PCSK7: variants seen among roughly 807,000 people sequenced by gnomAD.
PCSK7 encodes proprotein convertase subtilisin/kexin type 7.
Under a neutral mutation model 73.3 loss-of-function variants are expected in PCSK7, and 38 were observed. The observed-to-expected ratio is 0.52, with a 90% CI of 0.40 to 0.68. PCSK7 has a LOEUF of 0.68. Ranked by LOEUF, PCSK7 falls within the 30% of genes least tolerant of loss-of-function variation. PCSK7 has a pLI of 0.00. For synonymous variants in PCSK7, 296 were observed against 383.8 expected (o/e 0.77, Z 2.68); for missense variants, 692 against 991.5 (o/e 0.70, Z 4.06).
In PCSK7 at chr11:117,224,130, G is replaced by T; in HGVS notation, c.1002C>A (p.Asn334Lys). 1 of 1,614,080 alleles carries T rather than the reference G, an allele frequency of 6.2e-7. No homozygotes were observed. Among genetic ancestry groups the T allele is most frequent in the Non-Finnish European group, 8.5e-7 (1 of 1,179,976 alleles). The change falls in exon 8 of 17, where the codon AAC (asparagine) becomes AAA (lysine). Residue 334 changes from asparagine to lysine, a missense_variant. Asn to Lys is a moderately conservative substitution (Grantham distance 94). This residue lies in a region of PCSK7 where 574 missense variants were observed against 689.8 expected (regional missense o/e 0.83). Transcript: ENST00000320934. Reference sequence around the variant, plus strand: ...CGTAGCCATCGTAGTTGCAGTTGTCGTTGTGTTGGCCTCCGTTGCCACTGG... The same window carrying T: ...CGTAGCCATCGTAGTTGCAGTTGTCTTTGTGTTGGCCTCCGTTGCCACTGG... ...VVASGNGGQHNDNCNYDGYAN... is the reference protein window; with the variant it reads ...VVASGNGGQHKDNCNYDGYAN...
rs1026250132 is a variant in PCSK7 at position 117,219,410 on chromosome 11, G to A, written c.1323+181C>T. The A allele has an allele frequency of 2.6e-5, 17 of 661,210 alleles. No individual in the cohort carries two copies. The Admixed American group carries it at 3.9e-4, about 15-fold the overall frequency. 41.0% of individuals were successfully genotyped at this position (661,210 alleles called of 1,614,324 possible). ...CAGAGCTCCCCTTTGCAGATAAAAT[G>A]AGTTTAGGCCTGTGGTCTTTGTGGG... On this transcript the variant is annotated intron_variant, in intron 10 of 16. Coordinates refer to ENST00000320934, the MANE Select transcript of PCSK7 (RefSeq NM_004716.4).
intron 12 of PCSK7, chr11:117,211,112 G>A (rs1486822731): frequency 6.6e-6 from 1 of 152,132 alleles, no homozygotes; most frequent in East Asian, 1.9e-4. Context: ...GCAAGGACAG[G>A]GGTGTTTGTT....
At chr11:117,227,002 C>T (rs2134328987) in intron 5 of PCSK7, 155 bp downstream of exon 5, 1 of 582,000 alleles carries the variant, frequency 1.7e-6, no homozygotes, top group South Asian at 2.3e-5. Context: ...GCTGATATGT[C>T]CTACAGACAC....
At chr11:117,231,212 G>A (rs182359713) in intron 1 of PCSK7, 5 of 152,284 alleles carry the variant, frequency 3.3e-5, no homozygotes, top group African/African-American at 1.2e-4. Flanking sequence ...ACACACCCAA[G>A]CGGCTCTACC....
intron 12 of PCSK7, chr11:117,217,909 C>T (rs1296835388): frequency 2.0e-5 from 3 of 152,258 alleles, no homozygotes; most frequent in Non-Finnish European, 4.4e-5. Flanking sequence ...AGGATACAAC[C>T]CCTTCAGACA....
intron 8 of PCSK7, 32 bp from the exon 9 acceptor site, chr11:117,223,340 A>G (rs1302767909): frequency 7.6e-7 from 1 of 1,317,464 alleles, no homozygotes; most frequent in Non-Finnish European, 1.1e-6. Context: ...TAGAGCTGAG[A>G]TGCAGAGGGG....
chr11:117,227,908 G>A (rs190780649), intron 4 of PCSK7, among the ~76,000 whole-genome samples: 11 of 152,298 alleles, frequency 7.2e-5, no homozygotes, highest in Non-Finnish European at 1.5e-4. Context: ...GGCAGGTAGG[G>A]CTCCCTAGAG....
At chr11:117,231,380 C>G (rs751873159) in intron 1 of PCSK7, among the ~76,000 whole-genome samples, 3 of 152,132 alleles carry the variant, frequency 2.0e-5, no homozygotes, top group Admixed American at 6.5e-5. Context: ...CCCTCCCTGC[C>G]CCCGGGAGCC....
intron 5 of PCSK7, chr11:117,226,309 T>C (rs913343387): frequency 5.1e-6 from 2 of 389,920 alleles, no homozygotes; most frequent in East Asian, 5.2e-5. Flanking sequence ...CTAATTTTTG[T>C]ATTTTTAGTA....
chr11:117,223,967 G>C, intron 8 of PCSK7, 111 bp downstream of exon 8: 1 of 1,138,350 alleles, frequency 8.8e-7, no homozygotes, highest in Non-Finnish European at 1.3e-6. Flanking sequence ...TGAGCCCAAA[G>C]AGATTATTGT....
intron 5 of PCSK7, chr11:117,226,794 C>A (rs960797720): frequency 5.1e-6 from 1 of 196,716 alleles, no homozygotes; most frequent in South Asian, 1.2e-4. Flanking sequence ...CTGCTCAGCT[C>A]CCCCAAAAGG....
intron 4 of PCSK7, among the ~76,000 whole-genome samples, chr11:117,227,975 C>T (rs2032496400): frequency 1.3e-5 from 2 of 152,198 alleles, no homozygotes; most frequent in African/African-American, 4.8e-5. Flanking sequence ...AAGTTGCCTG[C>T]AGGGGCCACT....
chr11:117,224,105 C>T lies in PCSK7; in HGVS notation c.1027G>A (p.Ala343Thr), dbSNP rs1451365335. ...ATGGTGACGGTGTAGATGGAGTTGGCGTAGCCATCGTAGTTGCAGTTGTCG... is the reference window on the plus strand; with the variant it reads ...ATGGTGACGGTGTAGATGGAGTTGGTGTAGCCATCGTAGTTGCAGTTGTCG... ...HNDNCNYDGY[A>T]NSIYTVTIGA... The change falls in exon 8 of 17, where the codon GCC becomes ACC. Residue 343 changes from alanine to threonine, a missense_variant. Ala to Thr is a moderately conservative substitution (Grantham distance 58). Around this residue, in one of 6 missense-constraint regions of PCSK7, gnomAD observed 574 missense variants for 689.8 expected, o/e 0.83. Coordinates refer to ENST00000320934, the MANE Select transcript of PCSK7 (RefSeq NM_004716.4). 20 of 1,599,786 alleles carry T rather than the reference C, an allele frequency of 1.3e-5. No homozygotes were observed. Among genetic ancestry groups the T allele is most frequent in the East Asian group, 2.3e-5 (1 of 44,334 alleles).
rs1163391211 is a variant in PCSK7 at position 117,225,986 on chromosome 11, T to A, written c.805A>T (p.Met269Leu). ...TGCTTGTTGAACGCCACTGCCTCCA[T>A]GCTGTCTGTGAGAGGTCCATCCAGT... ...RVLDGPLTDS[M>L]EAVAFNKHYQ... The change falls in exon 6 of 17, where the codon ATG (methionine) becomes TTG (leucine). Residue 269 changes from methionine (M) to leucine (L), a missense_variant. Met to Leu is a conservative substitution (Grantham distance 15). This residue lies in a region of PCSK7 where 574 missense variants were observed against 689.8 expected (regional missense o/e 0.83). Transcript: ENST00000320934. The A allele has an allele frequency of 3.1e-6, 5 of 1,611,986 alleles. No individual in the cohort carries two copies. The highest frequency in any genetic ancestry group is 4.2e-6 in the Non-Finnish European group (5 of 1,178,054).
At position 117,219,151 on chromosome 11, in the gene PCSK7, C is replaced by G. The variant is rs373916308; in HGVS notation, c.1337G>C (p.Arg446Pro). The part of the protein sequence containing the change: ...VFTATRYEDR[R>P]AEWVTNEAGF... ...TGCCTCGTTGGTGACCCACTCTGCA[C>G]GGCGATCCTCATACTGAAAGGACAG... Residue 446 changes from arginine (R) to proline (P), a missense_variant, in exon 11 of 17, where the codon CGT becomes CCT. This residue lies in a region of PCSK7 where 574 missense variants were observed against 689.8 expected (regional missense o/e 0.83). Transcript: ENST00000320934. 6.2e-7 allele frequency: 1 copy of G among 1,608,964 alleles called. No homozygotes were observed. Among genetic ancestry groups the G allele is most frequent in the Non-Finnish European group, 8.5e-7 (1 of 1,178,630 alleles).
At chr11:117,211,741 C>T (rs2031737650) in intron 12 of PCSK7, 1 of 152,188 alleles carries the variant, frequency 6.6e-6, no homozygotes, top group Admixed American at 6.5e-5. Flanking sequence ...ACAAATAAAC[C>T]CTTTCTCAGT....
At chr11:117,224,960 C>CCTG in intron 6 of PCSK7, 1 of 568,442 alleles carries the variant, frequency 1.8e-6, no homozygotes, top group Non-Finnish European at 3.2e-6. Context: ...TGTGCTAAGG[C>CCTG]TCTTCTTTTC....
intron 16 of PCSK7, 33 bp downstream of exon 16, chr11:117,206,648 A>G (rs1454318217): frequency 4.8e-6 from 3 of 624,474 alleles, no homozygotes; most frequent in African/African-American, 1.9e-5. Flanking sequence ...GGACAGTCCC[A>G]TCTACCCGCA....
intron 12 of PCSK7, chr11:117,217,918 C>T (rs1445875166): frequency 1.3e-5 from 2 of 152,438 alleles, no homozygotes; most frequent in Admixed American, 6.5e-5. Context: ...CCCCTTCAGA[C>T]AATCCTGGTT....
Sources: gnomAD v4.1 joint callset for allele counts (sites outside exome capture counted in the v4.1 genomes callset) on GRCh38, gnomAD v4.1.1 for gene constraint, gnomAD v4.1.1 regional missense constraint, MANE v1.5 for transcripts, NCBI Gene and HGNC (gene_info 2026-07-23, HGNC 2026-07-21) for gene names.